Variants in ADA2 observed in about 807,000 individuals in gnomAD.
ADA2 encodes the protein adenosine deaminase 2.
A neutral mutation model predicts 44.2 loss-of-function variants in ADA2; 29 were observed. The observed-to-expected ratio is 0.66, with a 90% CI of 0.49 to 0.89. ADA2 has a LOEUF of 0.89. Ranked by LOEUF, ADA2 falls within the 40% of genes least tolerant of loss-of-function variation. The pLI, the probability that ADA2 is intolerant of heterozygous loss-of-function variation, is 0.00. For synonymous variants in ADA2, 215 were observed against 234.9 expected (o/e 0.92, Z 0.77); for missense variants, 637 against 644.8 (o/e 0.99, Z 0.13).
intron 4 of ADA2, among the ~76,000 whole-genome samples, chr22:17,201,140 TG>T (rs780794995): frequency 1.2e-4 from 18 of 147,792 alleles, no homozygotes; most frequent in Admixed American, 6.8e-4. Flanking sequence ...ACCTGGGAGG[TG>T]GAGGTTGCAG....
At chr22:17,188,284 A>G in intron 7 of ADA2, 55 bp downstream of exon 7, 2 of 1,314,500 alleles carry the variant, frequency 1.5e-6, no homozygotes, top group East Asian at 2.3e-5. Flanking sequence ...GCCTGTGGCC[A>G]GGAGCTCTCC....
intron 4 of ADA2, among the ~76,000 whole-genome samples, chr22:17,193,510 C>T (rs2062150546): frequency 6.6e-6 from 1 of 150,516 alleles, no homozygotes; most frequent in South Asian, 2.1e-4. Context: ...ACTAAAAATA[C>T]AAAAATTAGC....
intron 7 of ADA2, 84 bp from the exon 8 acceptor site, chr22:17,182,845 C>A: frequency 6.9e-7 from 1 of 1,447,178 alleles, no homozygotes; most frequent in East Asian, 2.3e-5. Context: ...CCACCCGCCC[C>A]CCGACCATCC....
chr22:17,186,489 C>T (rs540043693), intron 7 of ADA2, among the ~76,000 whole-genome samples: 1 of 150,836 alleles, frequency 6.6e-6, no homozygotes, highest in South Asian at 2.1e-4. Context: ...GGCTGAGGCA[C>T]GAGAATCACT....
At chr22:17,185,530 G>C (rs566255536) in intron 7 of ADA2, among the ~76,000 whole-genome samples, 27 of 152,236 alleles carry the variant, frequency 1.8e-4, no homozygotes, top group Non-Finnish European at 3.2e-4. Context: ...ATACATCTTG[G>C]AACCTGTTAG....
At chr22:17,186,657 T>C (rs1202182587) in intron 7 of ADA2, among the ~76,000 whole-genome samples, 1 of 150,458 alleles carries the variant, frequency 6.6e-6, no homozygotes, top group Non-Finnish European at 1.5e-5. Context: ...TCACTTGAGG[T>C]CAGGAGTTCA....
intron 5 of ADA2, among the ~76,000 whole-genome samples, chr22:17,191,471 A>C (rs2062113787): frequency 6.6e-6 from 1 of 152,228 alleles, no homozygotes; most frequent in Non-Finnish European, 1.5e-5. Flanking sequence ...TGAAGACCTG[A>C]ACTAGAAGTG....
At chr22:17,217,987 G>T (rs2062489249) in intron 1 of ADA2, among the ~76,000 whole-genome samples, 1 of 152,174 alleles carries the variant, frequency 6.6e-6, no homozygotes, top group Admixed American at 6.5e-5. Flanking sequence ...AACGTCTCCA[G>T]ATCTCAGTGT....
rs772934083 is a variant in ADA2 at position 17,199,570 on chromosome 22, G to C, written c.753+3993C>G. On this transcript the variant is annotated intron_variant, in intron 4 of 9. Coordinates refer to ENST00000399837, the MANE Select transcript of ADA2 (RefSeq NM_001282225.2). ...CTACCAGAGCCCAGTTCCATTCCAG[G>C]GAATCCATCTCCCCTCCGGAAAAAG... is the stretch of plus-strand genomic sequence containing the variant. The C allele has an allele frequency of 7.4e-6, 12 of 1,613,914 alleles. No individual in the cohort carries two copies. The African/African-American group carries it at 1.6e-4, about 22-fold the overall frequency.
Position 17,203,655 on chromosome 22 carries a change from C to T in ADA2, c.661G>A (p.Ala221Thr), listed in dbSNP as rs1417290846. ...FFTISGLIHY[A>T]PVFRDYVFRS... ...AAGACATAGTCTCTGAACACTGGTG[C>T]GTAATGGATGAGACCAGAGATGGTG... Residue 221 changes from alanine to threonine, a missense_variant, in exon 4 of 10, where the codon GCA (alanine) becomes ACA (threonine). Physicochemically the swap from Ala to Thr is moderately conservative, Grantham distance 58 (BLOSUM62 0). Transcript: ENST00000399837. 18 of 1,613,716 alleles carry T rather than the reference C, an allele frequency of 1.1e-5. No individual in the cohort carries two copies. Among genetic ancestry groups the T allele is most frequent in the Admixed American group, 8.3e-5 (5 of 59,994 alleles).
At chr22:17,187,913 G>A (rs554300484) in intron 7 of ADA2, among the ~76,000 whole-genome samples, 2 of 151,908 alleles carry the variant, frequency 1.3e-5, no homozygotes, top group South Asian at 4.2e-4. Flanking sequence ...GACCATCCTG[G>A]CTAACACGGT....
At chr22:17,211,135 G>T (rs1415234215) in intron 1 of ADA2, among the ~76,000 whole-genome samples, 1 of 152,034 alleles carries the variant, frequency 6.6e-6, no homozygotes. Flanking sequence ...GCCGAGGCGG[G>T]TGGATCACGA....
At chr22:17,208,248 A>AC (rs1435820699) in intron 2 of ADA2, among the ~76,000 whole-genome samples, 3 of 151,344 alleles carry the variant, frequency 2.0e-5, no homozygotes, top group African/African-American at 7.3e-5. Flanking sequence ...ACATGGTGAA[A>AC]CCCCATCTCT....
chr22:17,210,905 T>A (rs5992641), intron 1 of ADA2, among the ~76,000 whole-genome samples: 85,001 of 151,954 alleles, frequency 0.56, 24,820 homozygotes, highest in East Asian at 0.93. Context: ...TACTTTTAAA[T>A]ATAACCAGCA....
At chr22:17,200,424 C>G (rs2062264607) in intron 4 of ADA2, among the ~76,000 whole-genome samples, 1 of 152,132 alleles carries the variant, frequency 6.6e-6, no homozygotes, top group Non-Finnish European at 1.5e-5. Context: ...CACTGCAAGG[C>G]AAAGTTAATG....
chr22:17,190,090 CCA>C (rs2062096423), intron 5 of ADA2, 58 bp from the exon 6 acceptor site: 1 of 1,317,354 alleles, frequency 7.6e-7, no homozygotes, highest in East Asian at 2.3e-5. Flanking sequence ...AGCACAAACC[CCA>C]GAGCACACCC....
rs563204499 is a variant in ADA2, at chr22:17,215,760, T to C, written c.-47+3596A>G. Among the ~76,000 whole-genome samples, 5 of 152,092 alleles carry C rather than the reference T, an allele frequency of 3.3e-5. No homozygotes were observed. The South Asian group carries it at 6.2e-4, about 19-fold the overall frequency. ...GCTAAGGAAGTTGATCTCATAGATATAGAGAATAGAAAGATAGACACCAGA... is the reference window on the plus strand; with the variant it reads ...GCTAAGGAAGTTGATCTCATAGATACAGAGAATAGAAAGATAGACACCAGA... On this transcript the variant is annotated intron_variant, in intron 1 of 9. Transcript: ENST00000399837.
Position 17,191,822 on chromosome 22 carries a change from G to GCTCATA in ADA2, c.754-13_754-12insTATGAG. ...CTGAGCTCATACACCTGGGAAGAAA[G>GCTCATA]CACAACCAGGAGCCGTCAGGTGAGC... On this transcript the variant is annotated splice_polypyrimidine_tract_variant and intron_variant, in intron 4 of 9. Coordinates refer to ENST00000399837, the MANE Select transcript of ADA2 (RefSeq NM_001282225.2). 6.2e-7 allele frequency: 1 copy of GCTCATA among 1,608,902 alleles called. No homozygotes were observed.
intron 1 of ADA2, among the ~76,000 whole-genome samples, chr22:17,212,809 T>C (rs1050308276): frequency 2.0e-5 from 3 of 151,722 alleles, no homozygotes; most frequent in African/African-American, 7.3e-5. Context: ...AGACAGGGTC[T>C]TACTCTGTTG....
Sources: allele counts gnomAD v4.1 joint callset (sites outside exome capture counted in the v4.1 genomes callset), GRCh38; gene constraint gnomAD v4.1.1; transcripts MANE v1.5; gene names NCBI Gene and HGNC (gene_info 2026-07-23, HGNC 2026-07-21).